The following ZFAT variants were observed in gnomAD, a reference collection of about 807,000 sequenced individuals.
ZFAT encodes zinc finger and AT-hook domain containing, also known as zinc finger protein ZFAT.
In ZFAT, 64 loss-of-function variants were observed where a neutral mutation model predicts 117.7. The ratio of observed to expected loss-of-function variants is 0.54; its 90% CI spans 0.44 to 0.67. The LOEUF is 0.67. Ranked by LOEUF, ZFAT falls within the 30% of genes least tolerant of loss-of-function variation. The probability of loss-of-function intolerance (pLI) is 0.00; values close to 1 mark genes in which losing one functional copy is unlikely to be tolerated. For missense variants in ZFAT, 1,433 were observed against 1,584.5 expected (o/e 0.90, Z 1.62); for synonymous variants, 679 against 615.0 (o/e 1.10, Z -1.54).
chr8:134,748,758 G>A, the ZFAT span, among the ~76,000 whole-genome samples: 400 of 152,148 alleles, frequency 2.6e-3, no homozygotes, highest in Non-Finnish European at 4.9e-3. Context: ...TTTACCAATC[G>A]CAGGTGTGTA....
chr8:134,695,103 A>C (rs567586944), intron 1 of ZFAT, among the ~76,000 whole-genome samples: 83 of 152,312 alleles, frequency 5.4e-4, no homozygotes, highest in African/African-American at 1.9e-3. Context: ...ACCCAGAAGA[A>C]GGCAGCGGCC....
the ZFAT span, among the ~76,000 whole-genome samples, chr8:134,816,427 A>C: frequency 6.6e-6 from 1 of 152,126 alleles, no homozygotes; most frequent in Non-Finnish European, 1.5e-5. Context: ...CCAGAAAAAT[A>C]AGACAAGACT....
chr8:134,623,957 C>G (rs1443517168), intron 3 of ZFAT, among the ~76,000 whole-genome samples: 1 of 152,146 alleles, frequency 6.6e-6, no homozygotes, highest in South Asian at 2.1e-4. Flanking sequence ...GTTCCCCACA[C>G]TTATCTCAGA....
At chr8:134,698,438 G>T (rs1450946225) in intron 1 of ZFAT, among the ~76,000 whole-genome samples, 2 of 152,114 alleles carry the variant, frequency 1.3e-5, no homozygotes, top group East Asian at 3.8e-4. Context: ...GACAGCGCCG[G>T]ACAGCCAACT....
the ZFAT span, among the ~76,000 whole-genome samples, chr8:134,756,272 A>C: frequency 6.6e-6 from 1 of 152,198 alleles, no homozygotes; most frequent in Non-Finnish European, 1.5e-5. Flanking sequence ...ACAATATTTT[A>C]CCATGGGCCC....
chr8:134,638,557 AAAC>A (rs1204233616), intron 2 of ZFAT, among the ~76,000 whole-genome samples: 1 of 24,918 alleles, frequency 4.0e-5, no homozygotes, highest in South Asian at 2.8e-3. Context: ...TACAAAAAAA[AAAC>A]AAAACAAAAA....
rs1817003759 is a variant in ZFAT, at chr8:134,478,082, T to C, written c.*400A>G. On this transcript the variant is annotated 3_prime_UTR_variant, in exon 16 of 16. Transcript: ENST00000377838. This position sits in a 1 kb window ranked among gnomAD's most constrained non-coding sequence, Gnocchi z 5.2. ...TCCCTCTCACCAGACTGCATAGCGGTTGCAGATGAACATTTGGCACCTAGA... is the reference window on the plus strand; with the variant it reads ...TCCCTCTCACCAGACTGCATAGCGGCTGCAGATGAACATTTGGCACCTAGA... 2 of 233,542 alleles carry C rather than the reference T, an allele frequency of 8.6e-6. No individual in the cohort carries two copies. The highest frequency in any genetic ancestry group is 2.2e-5 in the African/African-American group (1 of 45,326). 14.5% of individuals were successfully genotyped at this position (233,542 alleles called of 1,614,324 possible). A position where few individuals can be genotyped will look rare whatever the true frequency, so the allele number is the denominator to read the frequency against.
At chr8:134,802,841 A>T in the ZFAT span, among the ~76,000 whole-genome samples, 1 of 152,220 alleles carries the variant, frequency 6.6e-6, no homozygotes, top group Non-Finnish European at 1.5e-5. Context: ...ATTGACAAAT[A>T]CTGATGATCT....
chr8:134,596,328 G>A (rs1826929081), intron 7 of ZFAT, among the ~76,000 whole-genome samples: 2 of 152,344 alleles, frequency 1.3e-5, no homozygotes, highest in East Asian at 1.9e-4. Context: ...GTCCACAGAC[G>A]TAGAGCCAGA....
At chr8:134,715,858 C>T (rs1160197459), upstream of ZFAT, among the ~76,000 whole-genome samples, 3 of 152,098 alleles carry the variant, frequency 2.0e-5, no homozygotes, top group Non-Finnish European at 2.9e-5. Context: ...TATCCAATAT[C>T]TTTATGAGAA....
chr8:134,631,429 C>T (rs974699818), intron 3 of ZFAT, among the ~76,000 whole-genome samples: 4 of 152,120 alleles, frequency 2.6e-5, no homozygotes, highest in African/African-American at 7.2e-5. Context: ...GGGCAGGAGT[C>T]GGGAGACACG....
the ZFAT span, among the ~76,000 whole-genome samples, chr8:134,815,918 C>T: frequency 6.6e-6 from 1 of 152,172 alleles, no homozygotes; most frequent in Non-Finnish European, 1.5e-5. Context: ...TTAGTTTATT[C>T]CTTTCCTTGT....
chr8:134,492,835 AAAG>A (rs1165735642), intron 15 of ZFAT, among the ~76,000 whole-genome samples: 1 of 152,228 alleles, frequency 6.6e-6, no homozygotes, highest in Non-Finnish European at 1.5e-5. Context: ...CACAGGACAA[AAAG>A]AAGGGTGTTC....
At chr8:134,624,369 C>T (rs1262994140) in intron 3 of ZFAT, among the ~76,000 whole-genome samples, 1 of 152,140 alleles carries the variant, frequency 6.6e-6, no homozygotes, top group Admixed American at 6.5e-5. Context: ...TAGGAGGGGT[C>T]CTGTGGCCGG....
the ZFAT span, among the ~76,000 whole-genome samples, chr8:134,754,966 G>A: frequency 6.6e-6 from 1 of 152,206 alleles, no homozygotes; most frequent in Non-Finnish European, 1.5e-5. Context: ...GGGTCTCGGA[G>A]ATAGGGCAAA....
chr8:134,657,411 A>C, intron 2 of ZFAT, 150 bp downstream of exon 2: 1 of 809,554 alleles, frequency 1.2e-6, no homozygotes, highest in African/African-American at 1.7e-5. Flanking sequence ...TCAAAGGCAC[A>C]ATCTTATTTG....
At chr8:134,742,957 T>C in the ZFAT span, among the ~76,000 whole-genome samples, 1 of 152,202 alleles carries the variant, frequency 6.6e-6, no homozygotes, top group Non-Finnish European at 1.5e-5. Context: ...GCCCCAAGTG[T>C]GCCTCTGTCT....
At chr8:134,621,689 T>C (rs1829124316) in intron 3 of ZFAT, among the ~76,000 whole-genome samples, 1 of 152,018 alleles carries the variant, frequency 6.6e-6, no homozygotes, top group African/African-American at 2.4e-5. Context: ...ATATAAATAA[T>C]CTAAAAAAAG....
At chr8:134,532,765 C>T (rs1481745917) in intron 12 of ZFAT, 69 bp downstream of exon 12, 1 of 1,571,320 alleles carries the variant, frequency 6.4e-7, no homozygotes, top group African/African-American at 1.3e-5. Context: ...ATGTCAGCAG[C>T]TCTTCCCAAT....
Sources: allele counts gnomAD v4.1 joint callset (sites outside exome capture counted in the v4.1 genomes callset), GRCh38; gene constraint gnomAD v4.1.1; non-coding constraint Gnocchi (gnomAD v3.1); transcripts MANE v1.5; gene names NCBI Gene and HGNC (gene_info 2026-07-23, HGNC 2026-07-21).